ERICH5: variants seen among roughly 807,000 people sequenced by gnomAD.
The protein encoded by ERICH5 is glutamate-rich protein 5.
Under a neutral mutation model 28.0 loss-of-function variants are expected in ERICH5, and 24 were observed. The ratio of observed to expected loss-of-function variants is 0.86; its 90% CI spans 0.62 to 1.21. The LOEUF (loss-of-function observed/expected upper bound fraction) is 1.21, where lower values mean the gene tolerates loss of function less well. Ranked by LOEUF, ERICH5 falls within the 50% of genes most tolerant of loss-of-function variation. The pLI is 0.00. For missense variants in ERICH5, 421 were observed against 441.2 expected (o/e 0.95, Z 0.41); for synonymous variants, 163 against 157.6 (o/e 1.03, Z -0.25).
chr8:98,069,965 A>C (rs968438455), intron 1 of ERICH5, among the ~76,000 whole-genome samples: 3 of 152,228 alleles, frequency 2.0e-5, no homozygotes, highest in African/African-American at 7.2e-5. Flanking sequence ...TTGTGATCTT[A>C]TTTAATCCTC....
At chr8:98,068,461 A>G (rs954387934) in intron 1 of ERICH5, among the ~76,000 whole-genome samples, 2 of 152,154 alleles carry the variant, frequency 1.3e-5, no homozygotes, top group Non-Finnish European at 2.9e-5. Context: ...GAGGAAAGAG[A>G]CTTTTCATTC....
At position 98,089,653 on chromosome 8, in the gene ERICH5, T is replaced by C. The variant is rs1174585811; in HGVS notation, c.636T>C (p.Asp212=). ...AACCTCAGGGCACAGTGGGAAAGGA[T>C]GAGCAGGCCCCGCTTCTAGAAACAA... The part of the protein sequence containing the change: ...ELQPQGTVGK[D]EQAPLLETIS... Residue 212 remains aspartate, a synonymous_variant, in exon 2 of 3, where the codon GAT becomes GAC. Coordinates refer to ENST00000318528, the MANE Select transcript of ERICH5 (RefSeq NM_173549.3). 1 of 1,614,024 alleles carries C rather than the reference T, an allele frequency of 6.2e-7. No individual in the cohort carries two copies. The highest frequency in any genetic ancestry group is 1.1e-5 in the South Asian group (1 of 91,074).
chr8:98,091,920 C>CCTTTCTTTCTTT (rs1363100223), intron 2 of ERICH5, among the ~76,000 whole-genome samples: 3 of 26,768 alleles, frequency 1.1e-4, no homozygotes, highest in South Asian at 1.5e-3. Context: ...TTTCTTTCTT[C>CCTTTCTTTCTTT]CTTTCTTTCT....
chr8:98,083,354 A>T (rs903117881), intron 1 of ERICH5, among the ~76,000 whole-genome samples: 1 of 152,172 alleles, frequency 6.6e-6, no homozygotes, highest in Non-Finnish European at 1.5e-5. Context: ...TTTTCTCAGG[A>T]TGAATTTCTT....
Position 98,089,182 on chromosome 8 carries a change from A to C in ERICH5, c.165A>C (p.Gln55His), listed in dbSNP as rs201260073. Residue 55 changes from glutamine (Q) to histidine (H), a missense_variant, in exon 2 of 3, where the codon CAA becomes CAC. Physicochemically the swap from Gln to His is conservative, Grantham distance 24 (BLOSUM62 0). Transcript: ENST00000318528. ...GRESTVDGNVQRESRPPLQKL... is the reference protein window; with the variant it reads ...GRESTVDGNVHRESRPPLQKL... ...AATCTACTGTTGATGGCAATGTACAAAGGGAAAGCCGTCCTCCCTTACAAA... is the reference window on the plus strand; with the variant it reads ...AATCTACTGTTGATGGCAATGTACACAGGGAAAGCCGTCCTCCCTTACAAA... The C allele has an allele frequency of 6.2e-7, 1 of 1,614,220 alleles. No homozygotes were observed. Among genetic ancestry groups the C allele is most frequent in the African/African-American group, 1.3e-5 (1 of 75,060 alleles).
chr8:98,073,470 A>AATTTT (rs1814973065), intron 1 of ERICH5, among the ~76,000 whole-genome samples: 1 of 1,964 alleles, frequency 5.1e-4, no homozygotes, highest in African/African-American at 2.2e-3. Flanking sequence ...GTATATATAT[A>AATTTT]TATATATATA....
At chr8:98,077,610 C>G (rs1213650558) in intron 1 of ERICH5, among the ~76,000 whole-genome samples, 2 of 152,206 alleles carry the variant, frequency 1.3e-5, no homozygotes, top group African/African-American at 4.8e-5. Flanking sequence ...AGACTTGCCT[C>G]TGTAGCTCTT....
At chr8:98,092,882 T>C (rs1298595553) in intron 2 of ERICH5, among the ~76,000 whole-genome samples, 6 of 151,672 alleles carry the variant, frequency 4.0e-5, no homozygotes, top group African/African-American at 1.5e-4. Context: ...TTCAAGTGAT[T>C]CTCTTGCCTC....
rs188009240 is a variant in ERICH5, at chr8:98,067,807, G to T, written c.58+3080G>T. Among the ~76,000 whole-genome samples, 1,064 of 151,828 alleles carry T rather than the reference G, an allele frequency of 7.0e-3. 6 individuals carry two copies. Among genetic ancestry groups the T allele is most frequent in the African/African-American group, 0.024 (977 of 41,414 alleles). Reference sequence around the variant, plus strand: ...ATTTTGTATTTTTAGTAGAGACAGGGTTTCTCCATGTTGGTCGAACTCCCG... The same window carrying T: ...ATTTTGTATTTTTAGTAGAGACAGGTTTTCTCCATGTTGGTCGAACTCCCG... On this transcript the variant is annotated intron_variant, in intron 1 of 2. Transcript: ENST00000318528.
At chr8:98,074,400 ATTTT>A (rs1815011268) in intron 1 of ERICH5, among the ~76,000 whole-genome samples, 2 of 143,958 alleles carry the variant, frequency 1.4e-5, no homozygotes, top group African/African-American at 5.1e-5. Context: ...TGCTTCTATA[ATTTT>A]TTTATTTTTC....
intron 1 of ERICH5, among the ~76,000 whole-genome samples, chr8:98,065,568 C>T (rs1430606281): frequency 6.6e-6 from 1 of 152,176 alleles, no homozygotes; most frequent in South Asian, 2.1e-4. Flanking sequence ...AAAAGAAACA[C>T]GTGAAACAAT....
At chr8:98,075,181 G>A (rs11786183) in intron 1 of ERICH5, among the ~76,000 whole-genome samples, 50,866 of 151,876 alleles carry the variant, frequency 0.33, 9,430 homozygotes, top group African/African-American at 0.46. Context: ...CTGCCCCCTA[G>A]ACTTCTCTAA....
chr8:98,089,046 T>C (rs1418901108), intron 1 of ERICH5, 30 bp from the exon 2 acceptor site: 4 of 1,510,396 alleles, frequency 2.6e-6, no homozygotes, highest in Non-Finnish European at 3.6e-6. Context: ...TTTTCTCTTT[T>C]CTTTTTCTTT....
Position 98,093,537 on chromosome 8 carries a change from C to T in ERICH5, c.*204C>T, listed in dbSNP as rs1368270371. ...AAACTGCTAAGCCATGAACAGTTTTCTTAGCTACTTAGAATGGTTATACAT... is the reference window on the plus strand; with the variant it reads ...AAACTGCTAAGCCATGAACAGTTTTTTTAGCTACTTAGAATGGTTATACAT... On this transcript the variant is annotated 3_prime_UTR_variant, in exon 3 of 3. Transcript: ENST00000318528. 7.5e-6 allele frequency: 3 copies of T among 399,006 alleles called. No homozygotes were observed. Among genetic ancestry groups the T allele is most frequent in the Non-Finnish European group, 1.3e-5 (3 of 224,282 alleles). 24.7% of individuals were successfully genotyped at this position (399,006 alleles called of 1,614,324 possible).
At chr8:98,080,721 CCTT>C (rs2130523162) in intron 1 of ERICH5, among the ~76,000 whole-genome samples, 1 of 136,748 alleles carries the variant, frequency 7.3e-6, no homozygotes, top group Non-Finnish European at 1.6e-5. Context: ...CCCTCCCTCT[CCTT>C]CTCCTTCTTC....
Position 98,091,900 on chromosome 8 carries a change from C to CTTCCTTTCTTTCTTT in ERICH5, c.1013-1321_1013-1320insTTCCTTTCTTTCTTT. 3.9e-3 allele frequency among the ~76,000 whole-genome samples: 291 copies of CTTCCTTTCTTTCTTT among 74,704 alleles called. 7 individuals are homozygous for CTTCCTTTCTTTCTTT. Among genetic ancestry groups the CTTCCTTTCTTTCTTT allele is most frequent in the African/African-American group, 0.015 (275 of 17,838 alleles). 49.0% of individuals were successfully genotyped at this position (74,704 alleles called of 152,430 possible). A position where few individuals can be genotyped will look rare whatever the true frequency, so the allele number is the denominator to read the frequency against. On this transcript the variant is annotated intron_variant, in intron 2 of 2. Transcript: ENST00000318528. ...TCTTTCTTTCTTTCTTTCTTTCTTT[C>CTTCCTTTCTTTCTTT]CTTTCTTTCTTTCTTTCTTCCTTTC...
In ERICH5 at chr8:98,091,917, C is replaced by CTTTCT. The variant is rs1278720071; in HGVS notation, c.1013-1302_1013-1301insTCTTT. Among the ~76,000 whole-genome samples, 37 of 71,096 alleles carry CTTTCT rather than the reference C, an allele frequency of 5.2e-4. 1 individual carries two copies. The highest frequency in any genetic ancestry group is 2.1e-3 in the African/African-American group (36 of 17,096). The allele number at this position is 71,096 out of a possible 152,430, so 46.6% of individuals were successfully genotyped here. On this transcript the variant is annotated intron_variant, in intron 2 of 2. Transcript: ENST00000318528. ...CTTTCTTTCCTTTCTTTCTTTCTTTCTTCCTTTCTTTCTTTCTTCCTTTCT... is the reference window on the plus strand; with the variant it reads ...CTTTCTTTCCTTTCTTTCTTTCTTTCTTTCTTTCCTTTCTTTCTTTCTTCCTTTCT...
chr8:98,092,626 G>T (rs565221957), intron 2 of ERICH5, among the ~76,000 whole-genome samples: 3 of 152,162 alleles, frequency 2.0e-5, no homozygotes, highest in East Asian at 3.9e-4. Context: ...ATTATAATCT[G>T]TTCTACCACC....
chr8:98,083,013 CT>C (rs1231744921), intron 1 of ERICH5, among the ~76,000 whole-genome samples: 10 of 152,176 alleles, frequency 6.6e-5, no homozygotes, highest in African/African-American at 2.2e-4. Flanking sequence ...TTTCGCAAAG[CT>C]TTTTATTGTG....
Sources: allele counts gnomAD v4.1 joint callset (sites outside exome capture counted in the v4.1 genomes callset), GRCh38; gene constraint gnomAD v4.1.1; transcripts MANE v1.5; gene names NCBI Gene and HGNC (gene_info 2026-07-23, HGNC 2026-07-21).